SPTB: variants seen among roughly 807,000 people sequenced by gnomAD.
SPTB encodes the protein spectrin beta, erythrocytic.
SPTB carries 45 observed loss-of-function variants against 256.2 expected under a neutral mutation model. The observed-to-expected ratio is 0.18, with a 90% CI of 0.14 to 0.23. The LOEUF is 0.23. Among genes scored for constraint, SPTB ranks in the 10% least tolerant of loss-of-function variants. SPTB has a pLI of 1.00. For synonymous variants in SPTB, 1,231 were observed against 1,243.1 expected, an observed-to-expected ratio of 0.99 and a Z score of 0.21; for missense variants, 2,715 against 3,040.4, an observed-to-expected ratio of 0.89 and a Z score of 2.52.
chr14:64,803,844 C>T (rs755645939), intron 3 of SPTB, 64 bp from the exon 4 acceptor site: 156 of 1,526,168 alleles, frequency 1.0e-4, no homozygotes, highest in Non-Finnish European at 8.9e-5. Context: ...GAGGCTGCAG[C>T]GTGGACCAGC....
rs754577589 is a variant in SPTB at position 64,772,589 on chromosome 14, C to T, written c.5544G>A (p.Leu1848=). 8 of 1,607,738 alleles carry T rather than the reference C, an allele frequency of 5.0e-6. No individual in the cohort carries two copies. In the East Asian group the frequency reaches 1.1e-4, roughly 22 times the overall value. ...AGGGGGCTGAAGGTACCTGGACACC[C>T]AGCAGGTGGAGCTCCCGCTCGAAGG... ...HTAFERELHL[L]GVQVQQFQDV... is the part of the protein sequence containing the mutation. Residue 1848 remains leucine (L), a synonymous_variant, in exon 26 of 36, where the codon CTG becomes CTA. Coordinates refer to ENST00000644917, the MANE Select transcript of SPTB (RefSeq NM_001355436.2). The surrounding 1 kb of genome is among the most constrained non-coding windows in gnomAD (Gnocchi z 5.4).
At position 64,819,916 on chromosome 14, in the gene SPTB, C is replaced by G. The variant is rs117654028; in HGVS notation, c.148+3031G>C. 7.9e-3 allele frequency among the ~76,000 whole-genome samples: 1,210 copies of G among 152,284 alleles called. 11 individuals are homozygous for G. Among genetic ancestry groups the G allele is most frequent in the Non-Finnish European group, 0.013 (902 of 68,018 alleles). ...ACTTTATCTTATTTGCTCTTCACAA[C>G]AACCTTGAGAAAATACTATCATCCC... On this transcript the variant is annotated intron_variant, in intron 2 of 35. Coordinates refer to ENST00000644917, the MANE Select transcript of SPTB (RefSeq NM_001355436.2).
chr14:64,801,276 G>T lies in SPTB; in HGVS notation c.763+9C>A, dbSNP rs760201509. 3 of 1,608,922 alleles carry T rather than the reference G, an allele frequency of 1.9e-6. No individual in the cohort carries two copies. The Admixed American group carries it at 5.0e-5, about 27-fold the overall frequency. On this transcript the variant is annotated intron_variant, in intron 7 of 35. Coordinates refer to ENST00000644917, the MANE Select transcript of SPTB (RefSeq NM_001355436.2). The stretch of plus-strand genomic sequence containing the variant: ...GCAGCAAAGGCTGGCAGGGGTGGGT[G>T]TGGCTCACCTTCGGGGTCGAGGAGC...
At chr14:64,843,057 CCT>C (rs1351606368) in intron 1 of SPTB, among the ~76,000 whole-genome samples, 2 of 151,656 alleles carry the variant, frequency 1.3e-5, no homozygotes, top group Non-Finnish European at 2.9e-5. Context: ...AGAATGAGAC[CCT>C]GTCTCAAAAA....
At chr14:64,766,332 G>C in intron 32 of SPTB, 1 of 1,171,454 alleles carries the variant, frequency 8.5e-7, no homozygotes, top group Non-Finnish European at 1.1e-6. Flanking sequence ...GGTGAGTACT[G>C]CCTAGAGGAA....
intron 1 of SPTB, among the ~76,000 whole-genome samples, chr14:64,837,369 A>C (rs374872396): frequency 1.6e-4 from 24 of 152,358 alleles, no homozygotes; most frequent in African/African-American, 5.8e-4. Flanking sequence ...AGCACCCTAC[A>C]GCCTATTACA....
At chr14:64,805,181 AC>A in intron 2 of SPTB, 91 bp from the exon 3 acceptor site, 17 of 1,453,146 alleles carry the variant, frequency 1.2e-5, no homozygotes, top group African/African-American at 2.8e-5. Flanking sequence ...AGCCCAGGGT[AC>A]CCCCATGCTT....
chr14:64,869,536 C>T (rs1453002636), intron 1 of SPTB, among the ~76,000 whole-genome samples: 1 of 151,916 alleles, frequency 6.6e-6, no homozygotes, highest in African/African-American at 2.4e-5. Context: ...CCTTGAACTC[C>T]TGGGCTCAAG....
intron 20 of SPTB, 102 bp from the exon 21 acceptor site, chr14:64,780,033 T>C: frequency 9.9e-7 from 1 of 1,005,250 alleles, no homozygotes; most frequent in Non-Finnish European, 1.6e-6. Context: ...AGGCCCAATT[T>C]GAGCTCAACT....
chr14:64,749,447 GCCCT>G lies in SPTB; in HGVS notation c.6842_6845del (p.Gln2281ProfsTer2). 1 of 1,602,286 alleles carries G rather than the reference GCCCT, an allele frequency of 6.2e-7. No homozygotes were observed. Among genetic ancestry groups the G allele is most frequent in the Non-Finnish European group, 8.5e-7 (1 of 1,178,670 alleles). ...GGGACTCGTTGATGGCGGTGCTCAC[GCCCT>G]GCAGCCAGGACAGCATCTCCTCCTG... On this transcript the variant is annotated frameshift_variant, in exon 36 of 36. Coordinates refer to ENST00000644917, the MANE Select transcript of SPTB (RefSeq NM_001355436.2). LOFTEE classifies it high-confidence loss of function. The surrounding 1 kb of genome is among the most constrained non-coding windows in gnomAD (Gnocchi z 4.7).
intron 2 of SPTB, among the ~76,000 whole-genome samples, chr14:64,810,065 TA>T (rs1419941249): frequency 6.6e-6 from 1 of 152,028 alleles, no homozygotes; most frequent in Non-Finnish European, 1.5e-5. Context: ...TTCCAAAAAA[TA>T]AGAGTAATAA....
Position 64,789,428 on chromosome 14 carries a change from C to A in SPTB, c.2805-2268G>T, listed in dbSNP as rs566683811. Among the ~76,000 whole-genome samples the A allele has an allele frequency of 5.3e-5, 8 of 152,028 alleles. No individual in the cohort carries two copies. In the South Asian group the frequency reaches 1.5e-3, roughly 28 times the overall value. Reference sequence around the variant, plus strand: ...TCATTCAAGTGGATAGAGACATAAACAAGTCTATAATCCATCAAGTGGTGA... The same window carrying A: ...TCATTCAAGTGGATAGAGACATAAAAAAGTCTATAATCCATCAAGTGGTGA... On this transcript the variant is annotated intron_variant, in intron 15 of 35. Transcript: ENST00000644917.
intron 33 of SPTB, among the ~76,000 whole-genome samples, chr14:64,750,550 C>G (rs553883504): frequency 6.6e-6 from 1 of 151,782 alleles, no homozygotes; most frequent in Non-Finnish European, 1.5e-5. Flanking sequence ...CCGAGGCGGG[C>G]GGACCGCCTG....
chr14:64,774,664 A>G (rs1935298645), intron 23 of SPTB, 137 bp from the exon 24 acceptor site: 2 of 1,290,734 alleles, frequency 1.5e-6, no homozygotes, highest in Non-Finnish European at 2.2e-6. Flanking sequence ...AGAGCCACAC[A>G]TGCTTCCTTC....
At chr14:64,876,726 C>G (rs1018658776) in intron 1 of SPTB, among the ~76,000 whole-genome samples, 29 of 152,312 alleles carry the variant, frequency 1.9e-4, no homozygotes, top group African/African-American at 6.3e-4. Context: ...TGCCTTCTCT[C>G]CTGCTTATCC....
chr14:64,863,834 G>A (rs1217681219), intron 1 of SPTB, among the ~76,000 whole-genome samples: 1 of 152,218 alleles, frequency 6.6e-6, no homozygotes, highest in African/African-American at 2.4e-5. Flanking sequence ...TCTGAAGTCA[G>A]GCACTTAATT....
chr14:64,831,346 C>A (rs1012975156), intron 1 of SPTB, among the ~76,000 whole-genome samples: 1 of 152,190 alleles, frequency 6.6e-6, no homozygotes, highest in African/African-American at 2.4e-5. Flanking sequence ...TCCTTCTTAC[C>A]ATCTTCTCTC....
In SPTB at chr14:64,784,402, A is replaced by G. The variant is rs760343067; in HGVS notation, c.3856-9T>C. The G allele has an allele frequency of 6.2e-7, 1 of 1,614,120 alleles. No homozygotes were observed. The highest frequency in any genetic ancestry group is 8.5e-7 in the Non-Finnish European group (1 of 1,180,036). Reference sequence around the variant, plus strand: ...TTGATCCAGAGAGTGAGCTGTGTGCATAAAGAGTGGGCTGACTATCCCTGA... The same window carrying G: ...TTGATCCAGAGAGTGAGCTGTGTGCGTAAAGAGTGGGCTGACTATCCCTGA... On this transcript the variant is annotated splice_polypyrimidine_tract_variant and intron_variant, in intron 18 of 35. Coordinates refer to ENST00000644917, the MANE Select transcript of SPTB (RefSeq NM_001355436.2).
At position 64,840,496 on chromosome 14, in the gene SPTB, C is replaced by T. The variant is rs556154985; in HGVS notation, c.-51-17351G>A. On this transcript the variant is annotated intron_variant, in intron 1 of 35. Transcript: ENST00000644917. ...ACTGCCGCAAATGCATGGTTAAATA[C>T]GTAATCCAGAAATCATGTAAGATGC... is the stretch of plus-strand genomic sequence containing the variant. 6.6e-5 allele frequency among the ~76,000 whole-genome samples: 10 copies of T among 152,324 alleles called. No homozygotes were observed. In the East Asian group the frequency reaches 9.6e-4, roughly 15 times the overall value.
Sources: gnomAD v4.1 joint callset for allele counts (sites outside exome capture counted in the v4.1 genomes callset) on GRCh38, gnomAD v4.1.1 for gene constraint, Gnocchi (gnomAD v3.1) non-coding constraint, MANE v1.5 for transcripts, NCBI Gene and HGNC (gene_info 2026-07-23, HGNC 2026-07-21) for gene names.